Variants in GMDS observed in about 807,000 individuals in gnomAD.
GMDS encodes GDP-mannose 4,6-dehydratase, also known as GDP-mannose 4,6 dehydratase.
GMDS carries 20 observed loss-of-function variants against 49.9 expected under a neutral mutation model. The observed-to-expected ratio is 0.40, with a 90% confidence interval of 0.28 to 0.58. The LOEUF is 0.58. Ranked by LOEUF, GMDS falls within the 20% of genes least tolerant of loss-of-function variation. GMDS has a pLI of 0.42. For synonymous variants in GMDS, 177 were observed against 178.6 expected (o/e 0.99, Z 0.07); for missense variants, 362 against 481.4 (o/e 0.75, Z 2.32).
intron 7 of GMDS, among the ~76,000 whole-genome samples, chr6:1,895,699 A>T (rs1380301181): frequency 6.6e-6 from 1 of 152,174 alleles, no homozygotes; most frequent in Non-Finnish European, 1.5e-5. Context: ...TAACAAAATG[A>T]ACATGCACGC....
chr6:1,809,663 A>C (rs1770329583), intron 7 of GMDS, among the ~76,000 whole-genome samples: 1 of 152,218 alleles, frequency 6.6e-6, no homozygotes, highest in South Asian at 2.1e-4. Flanking sequence ...CCAGCCAACC[A>C]ACTGTGTAAA....
intron 4 of GMDS, among the ~76,000 whole-genome samples, chr6:2,037,270 G>C (rs1016864560): frequency 1.3e-4 from 20 of 152,102 alleles, no homozygotes; most frequent in African/African-American, 4.8e-4. Flanking sequence ...GTTACAAATG[G>C]TCCAAAAAGG....
rs1415064967 is a variant in GMDS, at chr6:1,920,530, T to C, written c.771+9573A>G. Among the ~76,000 whole-genome samples, 7 of 152,248 alleles carry C rather than the reference T, an allele frequency of 4.6e-5. No individual in the cohort carries two copies. In the East Asian group the frequency reaches 1.3e-3, roughly 29 times the overall value. ...GACTGCCTTGATTGCAAATACGTTTTGCCCTCTCCAGAGTGCATGAGTATA... is the reference window on the plus strand; with the variant it reads ...GACTGCCTTGATTGCAAATACGTTTCGCCCTCTCCAGAGTGCATGAGTATA... On this transcript the variant is annotated intron_variant, in intron 7 of 10. Coordinates refer to ENST00000380815, the MANE Select transcript of GMDS (RefSeq NM_001500.4).
intron 7 of GMDS, among the ~76,000 whole-genome samples, chr6:1,793,679 C>T (rs569931633): frequency 6.6e-6 from 1 of 152,272 alleles, no homozygotes; most frequent in East Asian, 1.9e-4. Context: ...TCAAAAGCCA[C>T]GTAGAGGAAA....
intron 4 of GMDS, among the ~76,000 whole-genome samples, chr6:2,004,722 C>T (rs889213718): frequency 1.3e-5 from 2 of 152,252 alleles, no homozygotes; most frequent in Middle Eastern, 3.4e-3. Context: ...CATCCAATGA[C>T]ATTTCCCAAA....
intron 7 of GMDS, among the ~76,000 whole-genome samples, chr6:1,745,114 G>A (rs1051106299): frequency 3.1e-4 from 47 of 152,348 alleles, no homozygotes; most frequent in African/African-American, 1.0e-3. Flanking sequence ...TTAGATGTAA[G>A]GGGGTAAATA....
At chr6:1,702,420 G>A (rs1414416597) in intron 9 of GMDS, among the ~76,000 whole-genome samples, 1 of 152,234 alleles carries the variant, frequency 6.6e-6, no homozygotes, top group African/African-American at 2.4e-5. Flanking sequence ...TTAAGAGCTT[G>A]ATGTGCAGAA....
intron 9 of GMDS, among the ~76,000 whole-genome samples, chr6:1,696,607 C>T (rs11968464): frequency 0.13 from 17,687 of 135,334 alleles, 1,194 homozygotes; most frequent in East Asian, 0.24. Flanking sequence ...TCAAGACAAG[C>T]TAAGGCAGAA....
chr6:1,760,600 T>C (rs1561787469), intron 7 of GMDS, among the ~76,000 whole-genome samples: 1 of 152,170 alleles, frequency 6.6e-6, no homozygotes, highest in Non-Finnish European at 1.5e-5. Flanking sequence ...CCTCTAAAGA[T>C]GGCAGGCTGG....
chr6:1,650,691 T>G (rs951328483), intron 9 of GMDS, among the ~76,000 whole-genome samples: 46 of 152,306 alleles, frequency 3.0e-4, no homozygotes, highest in African/African-American at 1.1e-3. Flanking sequence ...TTCTCCCACC[T>G]CAGCCTCTCG....
At chr6:2,118,651 TTAA>T (rs1774976770) in intron 2 of GMDS, among the ~76,000 whole-genome samples, 3 of 152,194 alleles carry the variant, frequency 2.0e-5, no homozygotes, top group Admixed American at 1.3e-4. Flanking sequence ...ACACCCACAG[TTAA>T]TATTTCTGTT....
chr6:2,084,654 C>T (rs565821895), intron 4 of GMDS, among the ~76,000 whole-genome samples: 8 of 152,108 alleles, frequency 5.3e-5, no homozygotes, highest in African/African-American at 1.9e-4. Flanking sequence ...CTACAGGCGC[C>T]CGCCACCACG....
rs1763287450 is a variant in GMDS, at chr6:1,640,248, C to T, written c.988-15708G>A. Among the ~76,000 whole-genome samples, 1 of 152,178 alleles carries T rather than the reference C, an allele frequency of 6.6e-6. No homozygotes were observed. On this transcript the variant is annotated intron_variant, in intron 9 of 10. Coordinates refer to ENST00000380815, the MANE Select transcript of GMDS (RefSeq NM_001500.4). The surrounding 1 kb of genome is among the most constrained non-coding windows in gnomAD (Gnocchi z 4.0). ...CCTCATGCAGTTGGTTCCCGACAGC[C>T]TGGAATATGCTTCCTCTTCTTCACT...
chr6:2,109,305 A>G (rs564279882), intron 4 of GMDS, among the ~76,000 whole-genome samples: 1 of 152,108 alleles, frequency 6.6e-6, no homozygotes, highest in African/African-American at 2.4e-5. Context: ...ATCCCAGGAG[A>G]GATATTATTG....
At chr6:2,242,409 G>C (rs919274339) in intron 1 of GMDS, among the ~76,000 whole-genome samples, 1 of 152,332 alleles carries the variant, frequency 6.6e-6, no homozygotes, top group Admixed American at 6.5e-5. Flanking sequence ...GAAAAGGAGT[G>C]TGTCAAGAAC....
chr6:2,123,328 G>A (rs746127703), intron 2 of GMDS, among the ~76,000 whole-genome samples: 6 of 152,152 alleles, frequency 3.9e-5, no homozygotes, highest in African/African-American at 4.8e-5. Context: ...AGAGTGGATC[G>A]CAACACTTGC....
At chr6:1,764,449 C>G (rs984556748) in intron 7 of GMDS, among the ~76,000 whole-genome samples, 2 of 152,184 alleles carry the variant, frequency 1.3e-5, no homozygotes, top group Non-Finnish European at 2.9e-5. Context: ...TGGGCCCTGT[C>G]TGGAATAGGC....
intron 4 of GMDS, among the ~76,000 whole-genome samples, chr6:1,967,205 G>A (rs1454129108): frequency 6.6e-6 from 1 of 152,032 alleles, no homozygotes; most frequent in East Asian, 1.9e-4. Flanking sequence ...TTCATTTCAC[G>A]TTAACTTTAA....
chr6:1,967,601 G>C (rs1444938849), intron 4 of GMDS, among the ~76,000 whole-genome samples: 1 of 152,220 alleles, frequency 6.6e-6, no homozygotes, highest in African/African-American at 2.4e-5. Context: ...TCAGAACTCA[G>C]AGTGCAGAAG....
Sources: gnomAD v4.1 joint callset for allele counts (sites outside exome capture counted in the v4.1 genomes callset) on GRCh38, gnomAD v4.1.1 for gene constraint, Gnocchi (gnomAD v3.1) non-coding constraint, MANE v1.5 for transcripts, NCBI Gene and HGNC (gene_info 2026-07-23, HGNC 2026-07-21) for gene names.